FGGY: variants seen among roughly 807,000 people sequenced by gnomAD.
FGGY encodes the protein FGGY carbohydrate kinase domain containing.
Under a neutral mutation model 71.3 loss-of-function variants are expected in FGGY, and 72 were observed. The ratio of observed to expected loss-of-function variants is 1.01; its 90% confidence interval spans 0.84 to 1.23. The LOEUF (loss-of-function observed/expected upper bound fraction) is 1.23. Ranked by LOEUF, FGGY falls within the 50% of genes most tolerant of loss-of-function variation. FGGY has a pLI of 0.00. For missense variants in FGGY, 668 were observed against 682.3 expected, an observed-to-expected ratio of 0.98 and a Z score of 0.23; for synonymous variants, 251 against 250.3, an observed-to-expected ratio of 1.00 and a Z score of -0.02.
At chr1:59,665,394 C>T (rs1170095329) in intron 12 of FGGY, among the ~76,000 whole-genome samples, 1 of 152,184 alleles carries the variant, frequency 6.6e-6, no homozygotes, top group Non-Finnish European at 1.5e-5. Context: ...TTACCAGATT[C>T]ATGAATAGCT....
intron 12 of FGGY, among the ~76,000 whole-genome samples, chr1:59,666,114 C>CCTT (rs1218708105): frequency 6.6e-6 from 1 of 152,196 alleles, no homozygotes; most frequent in Non-Finnish European, 1.5e-5. Context: ...TTGGCTCATG[C>CCTT]CTTCTTCTTG....
chr1:59,738,860 A>G (rs1221783470), intron 14 of FGGY, among the ~76,000 whole-genome samples: 2 of 152,228 alleles, frequency 1.3e-5, no homozygotes, highest in Non-Finnish European at 2.9e-5. Context: ...GTCACACCAC[A>G]GGAATGCCAT....
At chr1:59,575,217 C>A (rs1316993576) in intron 8 of FGGY, among the ~76,000 whole-genome samples, 2 of 152,232 alleles carry the variant, frequency 1.3e-5, no homozygotes, top group East Asian at 3.9e-4. Flanking sequence ...ACTTATTCCT[C>A]CTGTCTAACC....
intron 6 of FGGY, among the ~76,000 whole-genome samples, chr1:59,484,285 G>T (rs894150299): frequency 3.9e-5 from 6 of 152,086 alleles, no homozygotes; most frequent in Non-Finnish European, 8.8e-5. Flanking sequence ...TTGGCTTCCT[G>T]GTTTTCTGAC....
At chr1:59,616,382 CA>C (rs1396454611) in intron 9 of FGGY, among the ~76,000 whole-genome samples, 1 of 152,022 alleles carries the variant, frequency 6.6e-6, no homozygotes, top group African/African-American at 2.4e-5. Context: ...ATCACAAGGA[CA>C]AAAAACCAGA....
intron 8 of FGGY, among the ~76,000 whole-genome samples, chr1:59,592,063 A>C (rs1043273807): frequency 8.0e-4 from 122 of 152,382 alleles, no homozygotes; most frequent in African/African-American, 2.9e-3. Flanking sequence ...TAATATTCAG[A>C]ATCTACAATG....
At chr1:59,612,874 C>G (rs2096704845) in intron 9 of FGGY, among the ~76,000 whole-genome samples, 2 of 152,042 alleles carry the variant, frequency 1.3e-5, no homozygotes, top group Admixed American at 1.3e-4. Context: ...AGACTTTAAA[C>G]CAACAAAGAT....
intron 14 of FGGY, among the ~76,000 whole-genome samples, chr1:59,688,934 G>A (rs1237340998): frequency 6.6e-6 from 1 of 152,020 alleles, no homozygotes; most frequent in Non-Finnish European, 1.5e-5. Context: ...ATTTTTAGTA[G>A]AGACAGGATT....
Position 59,394,717 on chromosome 1 carries a change from T to C in FGGY, c.554+15880T>C, listed in dbSNP as rs564719028. Among the ~76,000 whole-genome samples, 27 of 152,310 alleles carry C rather than the reference T, an allele frequency of 1.8e-4. 1 individual carries two copies. The highest frequency in any genetic ancestry group is 1.7e-3 in the Admixed American group (26 of 15,302). On this transcript the variant is annotated intron_variant, in intron 5 of 15. Coordinates refer to ENST00000303721, the MANE Select transcript of FGGY (RefSeq NM_018291.5). The stretch of plus-strand genomic sequence containing the variant: ...GTGCAAGGGTAACTTCAGATTTGCA[T>C]TGAAAAACCCATGGACTATCACTTT...
In FGGY at chr1:59,694,835, G is replaced by A. The variant is rs116098260; in HGVS notation, c.1512+20702G>A. On this transcript the variant is annotated intron_variant, in intron 14 of 15. Transcript: ENST00000303721. The stretch of plus-strand genomic sequence containing the variant: ...TCACAGTACCCAGCTCTAACTAGGC[G>A]TCTTCATAGCAAGGCATCTGTTAAG... Among the ~76,000 whole-genome samples, 54 of 152,188 alleles carry A rather than the reference G, an allele frequency of 3.5e-4. 2 individuals carry two copies. Among genetic ancestry groups the A allele is most frequent in the African/African-American group, 7.2e-4 (30 of 41,524 alleles).
chr1:59,401,740 AG>A (rs2061992805), intron 5 of FGGY, among the ~76,000 whole-genome samples: 1 of 152,240 alleles, frequency 6.6e-6, no homozygotes, highest in African/African-American at 2.4e-5. Context: ...AATTCCCTCA[AG>A]GAATTGATTC....
At chr1:59,533,987 C>T (rs967181708) in intron 7 of FGGY, among the ~76,000 whole-genome samples, 18 of 152,220 alleles carry the variant, frequency 1.2e-4, no homozygotes, top group African/African-American at 4.1e-4. Flanking sequence ...CGGAGAATGA[C>T]TTTGAAGAGC....
In FGGY at chr1:59,511,025, C is replaced by G. The variant is rs1292321129; in HGVS notation, c.671-1286C>G. ...TTACTCTAGCCATACTTCAAGTGCTCAGCCCACATGTGACTAGTGGCTGCC... is the reference window on the plus strand; with the variant it reads ...TTACTCTAGCCATACTTCAAGTGCTGAGCCCACATGTGACTAGTGGCTGCC... On this transcript the variant is annotated intron_variant, in intron 6 of 15. Coordinates refer to ENST00000303721, the MANE Select transcript of FGGY (RefSeq NM_018291.5). Among the ~76,000 whole-genome samples, 2 of 152,182 alleles carry G rather than the reference C, an allele frequency of 1.3e-5. 1 individual carries two copies. Among genetic ancestry groups the G allele is most frequent in the East Asian group, 3.8e-4 (2 of 5,202 alleles).
chr1:59,722,811 G>A (rs1218201573), intron 14 of FGGY, among the ~76,000 whole-genome samples: 1 of 151,622 alleles, frequency 6.6e-6, no homozygotes, highest in Admixed American at 6.6e-5. Flanking sequence ...GTTTTGTTTT[G>A]TCTGTGTGAC....
Position 59,742,334 on chromosome 1 carries a change from A to T in FGGY, c.1513-15597A>T, listed in dbSNP as rs552311046. Among the ~76,000 whole-genome samples the T allele has an allele frequency of 5.9e-5, 9 of 152,326 alleles. No homozygotes were observed. The South Asian group carries it at 1.9e-3, about 32-fold the overall frequency. On this transcript the variant is annotated intron_variant, in intron 14 of 15. Transcript: ENST00000303721. ...CATTGCTGAGCCCAAAGGGCTTTTC[A>T]ACCCCTACTCAGCTTTAGCCTTGGC...
At chr1:59,431,596 T>A (rs995886818) in intron 5 of FGGY, among the ~76,000 whole-genome samples, 1 of 152,206 alleles carries the variant, frequency 6.6e-6, no homozygotes, top group Admixed American at 6.5e-5. Flanking sequence ...AGGTAGCTTC[T>A]GCATTGGACT....
rs115014884 is a variant in FGGY, at chr1:59,524,994, C to T, written c.799+12555C>T. On this transcript the variant is annotated intron_variant, in intron 7 of 15. Transcript: ENST00000303721. ...TCATGGAGCCCAGACCTAGGGGCTC[C>T]CCAAGCCAGGGGTGTGACACTGTCT... is the stretch of plus-strand genomic sequence containing the variant. 8.2e-3 allele frequency among the ~76,000 whole-genome samples: 1,252 copies of T among 152,324 alleles called. 14 individuals carry two copies. The highest frequency in any genetic ancestry group is 0.014 in the Non-Finnish European group (928 of 68,022).
chr1:59,383,446 G>A (rs2897699), intron 5 of FGGY, among the ~76,000 whole-genome samples: 32,598 of 152,014 alleles, frequency 0.21, 3,612 homozygotes, highest in East Asian at 0.36. Context: ...AAGGCCCCCC[G>A]CCATCTGAAT....
intron 5 of FGGY, among the ~76,000 whole-genome samples, chr1:59,388,662 T>A (rs1364662146): frequency 6.6e-6 from 1 of 152,200 alleles, no homozygotes; most frequent in Non-Finnish European, 1.5e-5. Context: ...CATCTTTAGA[T>A]GTATATAGTA....
Sources: gnomAD v4.1 joint callset for allele counts (sites outside exome capture counted in the v4.1 genomes callset) on GRCh38, gnomAD v4.1.1 for gene constraint, MANE v1.5 for transcripts, NCBI Gene and HGNC (gene_info 2026-07-23, HGNC 2026-07-21) for gene names.